HDAC8: variants seen among roughly 807,000 people sequenced by gnomAD.
The protein encoded by HDAC8 is histone deacetylase-like 1.
Under a neutral mutation model 32.2 loss-of-function variants are expected in HDAC8, and 1 was observed. The observed-to-expected ratio is 0.03, with a 90% CI of 0.01 to 0.15. The LOEUF (loss-of-function observed/expected upper bound fraction) is 0.15. Ranked by LOEUF, HDAC8 falls within the 10% of genes least tolerant of loss-of-function variation. The pLI, the probability that HDAC8 is intolerant of heterozygous loss-of-function variation, is 1.00. For missense variants in HDAC8, 117 were observed against 300.0 expected (o/e 0.39, Z 4.51); for synonymous variants, 108 against 113.9 (o/e 0.95, Z 0.33).
At chrX:72,535,992 A>T (rs1426262022) in intron 4 of HDAC8, among the ~76,000 whole-genome samples, 2 of 112,106 alleles carry the variant, frequency 1.8e-5, no homozygotes, top group African/African-American at 6.5e-5. Context: ...TGAGCTTACA[A>T]GTCCTAGCCT....
chrX:72,337,771 A>G (rs1311426341), intron 10 of HDAC8, among the ~76,000 whole-genome samples: 3 of 111,666 alleles, frequency 2.7e-5, no homozygotes, highest in Non-Finnish European at 5.7e-5. Flanking sequence ...TCACAATAAA[A>G]TCTAAGTTAC....
chrX:72,490,224 A>G (rs2048817753), intron 6 of HDAC8, among the ~76,000 whole-genome samples: 1 of 110,195 alleles, frequency 9.1e-6, no homozygotes, highest in African/African-American at 3.3e-5. Context: ...AACTAGAAAT[A>G]CCATTTGACC....
chrX:72,492,464 G>A (rs1468773118), intron 5 of HDAC8, among the ~76,000 whole-genome samples: 1 of 110,903 alleles, frequency 9.0e-6, no homozygotes, highest in African/African-American at 3.3e-5. Context: ...GAGGAGAGTA[G>A]TTAGGTAGAT....
At chrX:72,457,827 T>C (rs186171313) in intron 9 of HDAC8, among the ~76,000 whole-genome samples, 279 of 112,214 alleles carry the variant, frequency 2.5e-3, no homozygotes, top group Middle Eastern at 0.014. Context: ...GGCTGTTTTT[T>C]TATTAGTAAC....
At chrX:72,464,786 G>T (rs2047971538) in intron 7 of HDAC8, 55 bp from the exon 8 acceptor site, 2 of 874,368 alleles carry the variant, frequency 2.3e-6, no homozygotes, top group South Asian at 4.4e-5. Flanking sequence ...AGGGGTAGTG[G>T]TGGTGGTAGG....
At chrX:72,471,150 G>C (rs1203811683) in intron 7 of HDAC8, among the ~76,000 whole-genome samples, 2 of 112,479 alleles carry the variant, frequency 1.8e-5, no homozygotes, top group African/African-American at 3.2e-5. Context: ...GTTCATTTGT[G>C]TTGTAGCATG....
intron 9 of HDAC8, among the ~76,000 whole-genome samples, chrX:72,453,464 T>TAAAG (rs61443640): frequency 0.29 from 19,218 of 67,084 alleles, 2,818 homozygotes; most frequent in Non-Finnish European, 0.33. Flanking sequence ...CTCTTAAAAA[T>TAAAG]AAAGAAAGAA....
intron 9 of HDAC8, among the ~76,000 whole-genome samples, chrX:72,446,182 T>A (rs2148000013): frequency 8.9e-6 from 1 of 112,393 alleles, no homozygotes; most frequent in African/African-American, 3.2e-5. Flanking sequence ...ATCCCATTAC[T>A]GGGTATATAC....
chrX:72,334,135 C>T (rs2043613704), intron 10 of HDAC8, among the ~76,000 whole-genome samples: 1 of 111,507 alleles, frequency 9.0e-6, no homozygotes, highest in South Asian at 3.8e-4. Flanking sequence ...GTTTTCCCCT[C>T]ACATCTAGCT....
intron 9 of HDAC8, among the ~76,000 whole-genome samples, chrX:72,405,846 A>G (rs191575508): frequency 4.0e-4 from 45 of 111,855 alleles, no homozygotes; most frequent in Admixed American, 3.8e-3. Context: ...AGCTTCATTG[A>G]GGTTTTTAAT....
chrX:72,518,863 C>A (rs2049890827), intron 4 of HDAC8, among the ~76,000 whole-genome samples: 1 of 112,176 alleles, frequency 8.9e-6, no homozygotes, highest in Non-Finnish European at 1.9e-5. Context: ...TTTCACTCAA[C>A]AATATACATT....
intron 4 of HDAC8, among the ~76,000 whole-genome samples, chrX:72,535,956 G>T (rs1362063206): frequency 1.8e-5 from 2 of 111,755 alleles, no homozygotes; most frequent in African/African-American, 6.5e-5. Flanking sequence ...CTCACTGCTG[G>T]GTATAATGAT....
intron 9 of HDAC8, among the ~76,000 whole-genome samples, chrX:72,355,062 T>C (rs781958144): frequency 5.4e-5 from 6 of 112,126 alleles, no homozygotes; most frequent in Non-Finnish European, 1.1e-4. Context: ...GCAGCCTCAG[T>C]GTCCCTCCCC....
At chrX:72,513,865 G>T (rs1556023308) in intron 4 of HDAC8, among the ~76,000 whole-genome samples, 1 of 111,788 alleles carries the variant, frequency 8.9e-6, no homozygotes, top group Non-Finnish European at 1.9e-5. Flanking sequence ...ACTGTCCCCA[G>T]TCATAAACAA....
chrX:72,411,119 G>A (rs1019643991), intron 9 of HDAC8, among the ~76,000 whole-genome samples: 10 of 106,463 alleles, frequency 9.4e-5, no homozygotes, highest in Non-Finnish European at 1.2e-4. Flanking sequence ...TCTGCCTGCT[G>A]GGTTCAAGCA....
chrX:72,384,582 C>A lies in HDAC8; in HGVS notation c.1006-32744G>T, dbSNP rs190973242. Among the ~76,000 whole-genome samples the A allele has an allele frequency of 8.8e-4, 98 of 111,758 alleles. 1 individual carries two copies. The highest frequency in any genetic ancestry group is 7.0e-4 in the Non-Finnish European group (37 of 53,163). On this transcript the variant is annotated intron_variant, in intron 9 of 10. Coordinates refer to ENST00000373573, the MANE Select transcript of HDAC8 (RefSeq NM_018486.3). ...AGGGCCCCAATTTAGCCTGCCCGCC[C>A]TAACTTTGGAGGCTAGATTAAAGGT...
intron 9 of HDAC8, among the ~76,000 whole-genome samples, chrX:72,430,847 G>A (rs188543184): frequency 1.8e-5 from 2 of 112,191 alleles, no homozygotes; most frequent in East Asian, 5.6e-4. Context: ...TTACTTTACA[G>A]ATGAAGAAAC....
intron 4 of HDAC8, among the ~76,000 whole-genome samples, chrX:72,551,678 T>C (rs1045777769): frequency 4.5e-5 from 5 of 111,817 alleles, no homozygotes; most frequent in African/African-American, 1.6e-4. Flanking sequence ...TGTTCGTTAA[T>C]TGATTGATTG....
intron 9 of HDAC8, among the ~76,000 whole-genome samples, chrX:72,405,040 G>T (rs1270685366): frequency 1.3e-4 from 14 of 110,376 alleles, no homozygotes; most frequent in African/African-American, 4.6e-4. Context: ...GTGTCATAGG[G>T]GTTTGTTGTA....
Sources: allele counts gnomAD v4.1 joint callset (sites outside exome capture counted in the v4.1 genomes callset), GRCh38; gene constraint gnomAD v4.1.1; transcripts MANE v1.5; gene names NCBI Gene and HGNC (gene_info 2026-07-23, HGNC 2026-07-21).